The following CTNNA3 variants were observed in gnomAD, a reference collection of about 807,000 sequenced individuals.
The protein encoded by CTNNA3 is catenin alpha-3.
In CTNNA3, 76 loss-of-function variants were observed where a neutral mutation model predicts 95.7. The observed-to-expected ratio is 0.79, with a 90% CI of 0.66 to 0.96. The LOEUF is 0.96. Among genes scored for constraint, CTNNA3 ranks in the 40% least tolerant of loss-of-function variants. The pLI is 0.00. For missense variants in CTNNA3, 1,191 were observed against 1,089.8 expected, an observed-to-expected ratio of 1.09 and a Z score of -1.31; for synonymous variants, 431 against 374.4, an observed-to-expected ratio of 1.15 and a Z score of -1.74.
At chr10:66,154,435 A>G (rs1484692327) in intron 13 of CTNNA3, among the ~76,000 whole-genome samples, 1 of 151,636 alleles carries the variant, frequency 6.6e-6, no homozygotes, top group African/African-American at 2.4e-5. Context: ...CACAAAAGAC[A>G]GCCTACAAAT....
chr10:67,396,665 TAAA>T (rs1202354277), intron 5 of CTNNA3, among the ~76,000 whole-genome samples: 1 of 152,152 alleles, frequency 6.6e-6, no homozygotes, highest in African/African-American at 2.4e-5. Context: ...AAAACAATCA[TAAA>T]AAAGAGAAAA....
chr10:66,916,619 C>T (rs1280188821), intron 7 of CTNNA3, among the ~76,000 whole-genome samples: 1 of 152,162 alleles, frequency 6.6e-6, no homozygotes, highest in African/African-American at 2.4e-5. Flanking sequence ...CCATTATCAG[C>T]TAATACCATA....
At chr10:66,932,788 A>G (rs932418206) in intron 7 of CTNNA3, among the ~76,000 whole-genome samples, 1 of 152,160 alleles carries the variant, frequency 6.6e-6, no homozygotes, top group Non-Finnish European at 1.5e-5. Context: ...TTAGCCTCCA[A>G]AAGTTGGTGA....
intron 3 of CTNNA3, among the ~76,000 whole-genome samples, chr10:67,589,508 C>T (rs890099096): frequency 3.3e-5 from 5 of 152,132 alleles, no homozygotes; most frequent in East Asian, 1.9e-4. Context: ...CTCCTAACAA[C>T]ACCCACTGTT....
intron 15 of CTNNA3, among the ~76,000 whole-genome samples, chr10:66,060,006 A>AT (rs1455699833): frequency 2.0e-5 from 3 of 152,078 alleles, no homozygotes; most frequent in Non-Finnish European, 4.4e-5. Context: ...ACTGGTTTGT[A>AT]TTATTTATTC....
chr10:67,433,637 T>C (rs1846197980), intron 5 of CTNNA3, among the ~76,000 whole-genome samples: 1 of 152,048 alleles, frequency 6.6e-6, no homozygotes, highest in African/African-American at 2.4e-5. Flanking sequence ...ACAGTAAGAA[T>C]TCAATGTATT....
intron 9 of CTNNA3, among the ~76,000 whole-genome samples, chr10:66,749,465 T>G (rs975147403): frequency 3.9e-5 from 6 of 152,164 alleles, no homozygotes; most frequent in African/African-American, 1.4e-4. Flanking sequence ...TCAGATAGGA[T>G]GTATCCTTTC....
At chr10:66,135,427 G>A (rs2083298218) in intron 13 of CTNNA3, among the ~76,000 whole-genome samples, 1 of 152,158 alleles carries the variant, frequency 6.6e-6, no homozygotes, top group Admixed American at 6.6e-5. Context: ...AAAAATTAAT[G>A]ATTTCAGTAG....
At chr10:67,288,947 A>G (rs1429873145) in intron 5 of CTNNA3, among the ~76,000 whole-genome samples, 1 of 152,134 alleles carries the variant, frequency 6.6e-6, no homozygotes, top group Non-Finnish European at 1.5e-5. Flanking sequence ...CTGGCAAGAG[A>G]GCGAGATCCT....
intron 15 of CTNNA3, among the ~76,000 whole-genome samples, chr10:66,004,439 G>A (rs1257946158): frequency 2.0e-5 from 3 of 151,986 alleles, no homozygotes; most frequent in Non-Finnish European, 4.4e-5. Flanking sequence ...TCTAAGGGGG[G>A]GAATTACTAT....
intron 7 of CTNNA3, among the ~76,000 whole-genome samples, chr10:66,906,898 T>C (rs1033532612): frequency 1.3e-5 from 2 of 152,124 alleles, no homozygotes; most frequent in African/African-American, 4.8e-5. Flanking sequence ...TAGTAACTGC[T>C]GACACTGAGC....
At chr10:66,451,382 C>A (rs12773076) in intron 11 of CTNNA3, among the ~76,000 whole-genome samples, 40,314 of 151,832 alleles carry the variant, frequency 0.27, 5,516 homozygotes, top group South Asian at 0.39. Context: ...AGCTGGGATA[C>A]AGAGATTGAG....
chr10:67,393,540 T>A (rs948471923), intron 5 of CTNNA3, among the ~76,000 whole-genome samples: 14 of 152,104 alleles, frequency 9.2e-5, no homozygotes, highest in Non-Finnish European at 1.9e-4. Context: ...GGAAAAAAAA[T>A]TAGAATGTAC....
At chr10:67,516,852 G>A (rs1428004188) in intron 5 of CTNNA3, among the ~76,000 whole-genome samples, 4 of 152,180 alleles carry the variant, frequency 2.6e-5, no homozygotes, top group African/African-American at 4.8e-5. Context: ...AGACCATACA[G>A]TATGTGTATT....
intron 3 of CTNNA3, among the ~76,000 whole-genome samples, chr10:67,560,044 C>A (rs1369351654): frequency 6.6e-6 from 1 of 152,046 alleles, no homozygotes; most frequent in African/African-American, 2.4e-5. Context: ...GAGAATGGAA[C>A]CAAGTTGGAA....
intron 5 of CTNNA3, among the ~76,000 whole-genome samples, chr10:67,293,641 A>G (rs991717643): frequency 1.3e-5 from 2 of 149,784 alleles, no homozygotes; most frequent in African/African-American, 4.9e-5. Context: ...AACATTAGGT[A>G]TATCTCCTAA....
intron 9 of CTNNA3, among the ~76,000 whole-genome samples, chr10:66,701,568 T>G (rs888910562): frequency 1.3e-5 from 2 of 152,204 alleles, no homozygotes; most frequent in African/African-American, 4.8e-5. Context: ...GTACAAGTCT[T>G]GTTAATTTTT....
intron 9 of CTNNA3, among the ~76,000 whole-genome samples, chr10:66,650,066 G>C (rs1845841810): frequency 1.3e-5 from 2 of 152,186 alleles, no homozygotes; most frequent in African/African-American, 4.8e-5. Flanking sequence ...ATATCAATAA[G>C]TAAACATCAG....
chr10:66,756,039 A>G (rs1173683927), intron 9 of CTNNA3, among the ~76,000 whole-genome samples: 1 of 152,166 alleles, frequency 6.6e-6, no homozygotes, highest in Non-Finnish European at 1.5e-5. Context: ...TTTTATTTTT[A>G]AATTTATTTG....
Sources: gnomAD v4.1 joint callset for allele counts (sites outside exome capture counted in the v4.1 genomes callset) on GRCh38, gnomAD v4.1.1 for gene constraint, MANE v1.5 for transcripts, NCBI Gene and HGNC (gene_info 2026-07-23, HGNC 2026-07-21) for gene names.